The following SNX29 variants were observed in gnomAD, a reference collection of about 807,000 sequenced individuals.
SNX29 encodes sorting nexin 29, also known as sorting nexin-29.
Under a neutral mutation model 102.1 loss-of-function variants are expected in SNX29, and 78 were observed. That is an observed-to-expected ratio of 0.76 (90% CI 0.64 to 0.92). SNX29 has a LOEUF of 0.92. SNX29 is among the 40% of genes least tolerant of loss of function. The probability of loss-of-function intolerance (pLI) is 0.00; values close to 1 mark genes in which losing one functional copy is unlikely to be tolerated. For synonymous variants in SNX29, 580 were observed against 414.5 expected, an observed-to-expected ratio of 1.40 and a Z score of -4.85; for missense variants, 1,280 against 1,061.7, an observed-to-expected ratio of 1.21 and a Z score of -2.86.
In SNX29 at chr16:12,043,046, C is replaced by T; in HGVS notation, c.397C>T (p.His133Tyr). The stretch of plus-strand genomic sequence containing the variant: ...CGAACACTCCCTGGAGCGCTACCTG[C>T]ACATGCTCCTGGCCGACCGCTGCAG... Reference protein sequence around the residue: ...LNEHSLERYLHMLLADRCRLS... With the variant: ...LNEHSLERYLYMLLADRCRLS... The change falls in exon 5 of 21, where the codon CAC becomes TAC. Residue 133 changes from histidine (H) to tyrosine (Y), a missense_variant. Coordinates refer to ENST00000566228, the MANE Select transcript of SNX29 (RefSeq NM_032167.5). 3 of 1,613,516 alleles carry T rather than the reference C, an allele frequency of 1.9e-6. No homozygotes were observed. The highest frequency in any genetic ancestry group is 2.5e-6 in the Non-Finnish European group (3 of 1,179,862).
At chr16:12,088,010 G>A (rs1421216486) in intron 11 of SNX29, 1 of 456,656 alleles carries the variant, frequency 2.2e-6, no homozygotes, top group East Asian at 7.0e-5. Context: ...CCTTTGGGGG[G>A]TATGAGCACT....
chr16:12,373,045 A>G (rs2082739694), intron 16 of SNX29: 1 of 152,252 alleles, frequency 6.6e-6, no homozygotes, highest in African/African-American at 2.4e-5. Flanking sequence ...AATATCCCCA[A>G]GTCTCCATGT....
intron 13 of SNX29, among the ~76,000 whole-genome samples, chr16:12,164,680 C>CT (rs34046413): frequency 0.27 from 24,324 of 90,534 alleles, 4,408 homozygotes; most frequent in African/African-American, 0.44. Context: ...TTATTCATGC[C>CT]TTTTTTTTTT....
intron 20 of SNX29, among the ~76,000 whole-genome samples, chr16:12,547,333 C>T (rs1175806120): frequency 6.6e-6 from 1 of 152,172 alleles, no homozygotes; most frequent in East Asian, 1.9e-4. Context: ...AGAGGCCTTG[C>T]AGCCAAGGGA....
intron 11 of SNX29, among the ~76,000 whole-genome samples, chr16:12,120,761 AAGG>A (rs1050547160): frequency 1.3e-5 from 2 of 152,178 alleles, no homozygotes; most frequent in South Asian, 2.1e-4. Flanking sequence ...ACTGCCGAGA[AAGG>A]AGGGGAACGG....
intron 15 of SNX29, among the ~76,000 whole-genome samples, chr16:12,347,453 C>A (rs1347421389): frequency 1.3e-5 from 2 of 152,106 alleles, no homozygotes; most frequent in African/African-American, 4.8e-5. Flanking sequence ...ATGGGAGATG[C>A]AGGACCATGA....
chr16:12,042,466 T>C (rs1616090), intron 4 of SNX29, among the ~76,000 whole-genome samples: 104,901 of 152,154 alleles, frequency 0.69, 36,878 homozygotes, highest in African/African-American at 0.8. Flanking sequence ...TTTTTCCGTC[T>C]GTGCTCTCCT....
intron 3 of SNX29, among the ~76,000 whole-genome samples, chr16:12,013,736 C>T (rs990808209): frequency 6.6e-6 from 1 of 151,142 alleles, no homozygotes; most frequent in African/African-American, 2.4e-5. Flanking sequence ...CCTCTGCCTC[C>T]CAGGTTCAAG....
In SNX29 at chr16:12,309,490, G is replaced by A. The variant is rs527852728; in HGVS notation, c.1782+31454G>A. Among the ~76,000 whole-genome samples the A allele has an allele frequency of 3.9e-5, 6 of 152,060 alleles. No homozygotes were observed. The South Asian group carries it at 6.2e-4, about 16-fold the overall frequency. ...TGGCCCCTCTGTCTCATTTTTCTTGGTAGCACCCAGCAGAGACATTTATTT... is the reference window on the plus strand; with the variant it reads ...TGGCCCCTCTGTCTCATTTTTCTTGATAGCACCCAGCAGAGACATTTATTT... On this transcript the variant is annotated intron_variant, in intron 15 of 20. Transcript: ENST00000566228.
chr16:12,175,647 G>C (rs567284662), intron 13 of SNX29, among the ~76,000 whole-genome samples: 1 of 137,912 alleles, frequency 7.3e-6, no homozygotes, highest in African/African-American at 2.7e-5. Flanking sequence ...GCAAGACTCC[G>C]TCTCAAAAAA....
At chr16:12,568,303 T>TAAAAAAAAAAAAA (rs10633753) in intron 20 of SNX29, among the ~76,000 whole-genome samples, 15 of 80,716 alleles carry the variant, frequency 1.9e-4, no homozygotes, top group East Asian at 1.1e-3. Flanking sequence ...CGGAGTGCTG[T>TAAAAAAAAAAAAA]TAAAAAAAAA....
intron 15 of SNX29, among the ~76,000 whole-genome samples, chr16:12,341,597 C>T (rs2081611890): frequency 1.3e-5 from 2 of 152,246 alleles, no homozygotes; most frequent in Admixed American, 6.5e-5. Context: ...TGTTCTGCTC[C>T]ACATAATGAC....
At position 12,570,006 on chromosome 16, in the gene SNX29, A is replaced by G. The variant is rs563143914; in HGVS notation, c.*1377A>G. 79 of 292,814 alleles carry G rather than the reference A, an allele frequency of 2.7e-4. No homozygotes were observed. The highest frequency in any genetic ancestry group is 1.6e-3 in the African/African-American group (72 of 46,430). The allele number at this position is 292,814 out of a possible 1,614,324, so 18.1% of individuals were successfully genotyped here. A position where few individuals can be genotyped will look rare whatever the true frequency, so the allele number is the denominator to read the frequency against. On this transcript the variant is annotated 3_prime_UTR_variant, in exon 21 of 21. Coordinates refer to ENST00000566228, the MANE Select transcript of SNX29 (RefSeq NM_032167.5). The stretch of plus-strand genomic sequence containing the variant: ...AACTGCTTCAACTCAGTGGCTTAAA[A>G]TGAGAACTGCCCAGGTGAGCATGGA...
chr16:12,545,951 C>G (rs190468825), intron 20 of SNX29, among the ~76,000 whole-genome samples: 1 of 152,238 alleles, frequency 6.6e-6, no homozygotes, highest in Admixed American at 6.5e-5. Flanking sequence ...ATCCTGACAA[C>G]TAAGGGCAGG....
intron 1 of SNX29, among the ~76,000 whole-genome samples, chr16:11,992,433 C>T (rs2055890441): frequency 6.6e-6 from 1 of 152,150 alleles, no homozygotes; most frequent in Admixed American, 6.5e-5. Context: ...ACATTTTCAT[C>T]ACCCAAAGGA....
chr16:12,089,940 C>G (rs1374284549), intron 11 of SNX29: 1 of 265,942 alleles, frequency 3.8e-6, no homozygotes. Flanking sequence ...AGCGGCCATA[C>G]TCTCAGGCTG....
At chr16:12,543,054 A>T (rs1614433) in intron 20 of SNX29, among the ~76,000 whole-genome samples, 17,724 of 152,116 alleles carry the variant, frequency 0.12, 1,333 homozygotes, top group Non-Finnish European at 0.16. Flanking sequence ...TGTCACCAGG[A>T]CCCTGTTGGT....
chr16:12,243,462 A>G (rs764815020), intron 14 of SNX29, among the ~76,000 whole-genome samples: 1 of 152,192 alleles, frequency 6.6e-6, no homozygotes, highest in Non-Finnish European at 1.5e-5. Flanking sequence ...ATAAGAACAC[A>G]TTAGGCTCAG....
rs554732324 is a variant in SNX29 at position 12,002,273 on chromosome 16, C to T, written c.70-718C>T. Among the ~76,000 whole-genome samples the T allele has an allele frequency of 7.3e-4, 111 of 152,042 alleles. 1 individual carries two copies. Among genetic ancestry groups the T allele is most frequent in the Non-Finnish European group, 1.4e-3 (97 of 67,982 alleles). On this transcript the variant is annotated intron_variant, in intron 2 of 20. Transcript: ENST00000566228. ...GACCAGCCTGACCAACATAGAGAAACCCCATCTCTACTAAGAATACAAAAA... is the reference window on the plus strand; with the variant it reads ...GACCAGCCTGACCAACATAGAGAAATCCCATCTCTACTAAGAATACAAAAA...
Sources: allele counts gnomAD v4.1 joint callset (sites outside exome capture counted in the v4.1 genomes callset), GRCh38; gene constraint gnomAD v4.1.1; transcripts MANE v1.5; gene names NCBI Gene and HGNC (gene_info 2026-07-23, HGNC 2026-07-21).